MAP3K3: variants seen among roughly 807,000 people sequenced by gnomAD.
MAP3K3 encodes mitogen-activated protein kinase kinase kinase 3, also known as MAP/ERK kinase kinase 3.
MAP3K3 carries 12 observed loss-of-function variants against 80.9 expected under a neutral mutation model. The ratio of observed to expected loss-of-function variants is 0.15; its 90% confidence interval spans 0.10 to 0.24. MAP3K3 has a LOEUF of 0.24. Among genes scored for constraint, MAP3K3 ranks in the 10% least tolerant of loss-of-function variants. MAP3K3 has a pLI of 1.00. For missense variants in MAP3K3, 596 were observed against 834.7 expected (o/e 0.71, Z 3.52); for synonymous variants, 272 against 307.1 (o/e 0.89, Z 1.19).
chr17:63,695,195 GAAC>G lies in MAP3K3; in HGVS notation c.*1421_*1423del, dbSNP rs1281646609. 6.6e-6 allele frequency: 1 copy of G among 152,540 alleles called. No individual in the cohort carries two copies. Among genetic ancestry groups the G allele is most frequent in the Non-Finnish European group, 1.5e-5 (1 of 68,024 alleles). 9.4% of individuals were successfully genotyped at this position (152,540 alleles called of 1,614,324 possible). On this transcript the variant is annotated 3_prime_UTR_variant, in exon 16 of 16. Coordinates refer to ENST00000361733, the MANE Select transcript of MAP3K3 (RefSeq NM_002401.5). This position sits in a 1 kb window ranked among gnomAD's most constrained non-coding sequence, Gnocchi z 4.1. ...CCATGCCTACATCCCCATGGGCACAGAACAAGCCAAAGCCTTCGTTGTATGTTG... is the reference window on the plus strand; with the variant it reads ...CCATGCCTACATCCCCATGGGCACAGAAGCCAAAGCCTTCGTTGTATGTTG...
chr17:63,659,087 G>A (rs1347587191), intron 5 of MAP3K3, among the ~76,000 whole-genome samples: 5 of 152,192 alleles, frequency 3.3e-5, no homozygotes, highest in Admixed American at 6.5e-5. Flanking sequence ...GCCCAGGCTG[G>A]TCTTGAATTC....
chr17:63,688,944 G>C (rs867873429), intron 10 of MAP3K3, 63 bp downstream of exon 10: 2 of 1,267,750 alleles, frequency 1.6e-6, no homozygotes, highest in Non-Finnish European at 2.3e-6. Flanking sequence ...GCCATGGGGA[G>C]GGTGGGTTCG....
At chr17:63,654,835 A>T (rs2143367318) in intron 4 of MAP3K3, among the ~76,000 whole-genome samples, 1 of 152,240 alleles carries the variant, frequency 6.6e-6, no homozygotes, top group East Asian at 1.9e-4. Flanking sequence ...CAGGAGTTCG[A>T]GACCAGCCTG....
intron 6 of MAP3K3, among the ~76,000 whole-genome samples, chr17:63,674,125 T>C (rs2035168454): frequency 6.6e-6 from 1 of 151,800 alleles, no homozygotes; most frequent in Non-Finnish European, 1.5e-5. Flanking sequence ...CTGACTCCTG[T>C]ATGGTCTAAG....
intron 2 of MAP3K3, chr17:63,636,517 A>C (rs2034326936): frequency 6.5e-6 from 1 of 154,146 alleles, no homozygotes. Context: ...TTTAGCAGTC[A>C]TTAACTCACA....
At chr17:63,669,387 A>G (rs759531607) in intron 6 of MAP3K3, among the ~76,000 whole-genome samples, 16 of 151,998 alleles carry the variant, frequency 1.1e-4, no homozygotes, top group Non-Finnish European at 1.9e-4. Flanking sequence ...TCTCAGCTGC[A>G]CTCAGACTCT....
intron 6 of MAP3K3, among the ~76,000 whole-genome samples, chr17:63,674,443 GCAGCCTCAACCACCGATCCTCGCCT>G (rs953572902): frequency 4.6e-5 from 7 of 152,102 alleles, no homozygotes; most frequent in African/African-American, 1.7e-4. Context: ...ATGGCTCACT[GCAGCCTCAACCACCGATCCTCGCCT>G]CAGCCTCCCA....
At chr17:63,651,315 C>A (rs1486313267) in intron 3 of MAP3K3, among the ~76,000 whole-genome samples, 1 of 151,972 alleles carries the variant, frequency 6.6e-6, no homozygotes. Flanking sequence ...GAGGCCCATC[C>A]CTACAAAAAA....
At position 63,688,918 on chromosome 17, in the gene MAP3K3, C is replaced by T. The variant is rs2143613599; in HGVS notation, c.871+37C>T. 2.0e-6 allele frequency: 3 copies of T among 1,483,506 alleles called. No homozygotes were observed. In the East Asian group the frequency reaches 6.8e-5, roughly 34 times the overall value. The allele number at this position is 1,483,506 out of a possible 1,614,324, so 91.9% of individuals were successfully genotyped here. On this transcript the variant is annotated intron_variant, in intron 10 of 15. Coordinates refer to ENST00000361733, the MANE Select transcript of MAP3K3 (RefSeq NM_002401.5). ...TTCACCTGCTCCCTGCTGGCTGCCT[C>T]AAGAAAGGACAAGTTGCCATGGGGA... is the stretch of plus-strand genomic sequence containing the variant.
chr17:63,668,171 C>T (rs776826899), intron 6 of MAP3K3: 1 of 152,174 alleles, frequency 6.6e-6, no homozygotes, highest in Admixed American at 6.5e-5. Flanking sequence ...ATTGAAGTGT[C>T]CTCTGAAGAT....
At chr17:63,643,772 T>C (rs1408938990) in intron 2 of MAP3K3, among the ~76,000 whole-genome samples, 1 of 152,060 alleles carries the variant, frequency 6.6e-6, no homozygotes, top group Non-Finnish European at 1.5e-5. Flanking sequence ...GTTGAGGAAA[T>C]AGTGTGGGAA....
Position 63,670,115 on chromosome 17 carries a change from A to T in MAP3K3, c.502+3055A>T, listed in dbSNP as rs541489795. On this transcript the variant is annotated intron_variant, in intron 6 of 15. Coordinates refer to ENST00000361733, the MANE Select transcript of MAP3K3 (RefSeq NM_002401.5). Reference sequence around the variant, plus strand: ...AAGACCCTGTCTCAAAAAAAAAAAAAGTAATTACCAAAGTATCTACTATGT... The same window carrying T: ...AAGACCCTGTCTCAAAAAAAAAAAATGTAATTACCAAAGTATCTACTATGT... 8.5e-5 allele frequency among the ~76,000 whole-genome samples: 13 copies of T among 152,100 alleles called. 1 individual carries two copies. Among genetic ancestry groups the T allele is most frequent in the Admixed American group, 6.5e-4 (10 of 15,284 alleles).
chr17:63,634,158 C>T (rs185233587), intron 2 of MAP3K3, among the ~76,000 whole-genome samples: 172 of 152,320 alleles, frequency 1.1e-3, no homozygotes, highest in Non-Finnish European at 2.2e-3. Context: ...TGTGTGAGTT[C>T]TCCCTTGCTA....
intron 3 of MAP3K3, among the ~76,000 whole-genome samples, chr17:63,648,053 T>C (rs1386057204): frequency 6.6e-6 from 1 of 152,230 alleles, no homozygotes; most frequent in Non-Finnish European, 1.5e-5. Context: ...GATTAAGATC[T>C]CCTTCCCTTT....
At chr17:63,657,667 A>G (rs2034799324) in intron 4 of MAP3K3, 127 bp from the exon 5 acceptor site, 1 of 496,682 alleles carries the variant, frequency 2.0e-6, no homozygotes, top group African/African-American at 2.0e-5. Context: ...AAGACCCCAT[A>G]GTATCCAGTG....
intron 2 of MAP3K3, among the ~76,000 whole-genome samples, chr17:63,644,939 C>T (rs761030867): frequency 5.3e-5 from 8 of 152,182 alleles, no homozygotes; most frequent in Non-Finnish European, 7.3e-5. Context: ...TTTTCCTCTA[C>T]ACCTGTTCTT....
intron 8 of MAP3K3, among the ~76,000 whole-genome samples, chr17:63,686,859 C>T (rs955799748): frequency 6.6e-6 from 1 of 152,150 alleles, no homozygotes; most frequent in African/African-American, 2.4e-5. Context: ...CTTCCCTTCA[C>T]GGGATCTGGG....
At chr17:63,665,180 TG>T (rs2143449003) in intron 5 of MAP3K3, among the ~76,000 whole-genome samples, 1 of 152,064 alleles carries the variant, frequency 6.6e-6, no homozygotes, top group Non-Finnish European at 1.5e-5. Flanking sequence ...GGCACATGCC[TG>T]TAATCCCAGC....
At chr17:63,629,314 G>A (rs891682786) in intron 1 of MAP3K3, among the ~76,000 whole-genome samples, 3 of 152,004 alleles carry the variant, frequency 2.0e-5, no homozygotes, top group Admixed American at 6.6e-5. Flanking sequence ...TAGTAGAGAC[G>A]GGGTTTCACC....
Sources: allele counts gnomAD v4.1 joint callset (sites outside exome capture counted in the v4.1 genomes callset), GRCh38; gene constraint gnomAD v4.1.1; non-coding constraint Gnocchi (gnomAD v3.1); transcripts MANE v1.5; gene names NCBI Gene and HGNC (gene_info 2026-07-23, HGNC 2026-07-21).